Variants in SHTN1 observed in about 807,000 individuals in gnomAD.
SHTN1 encodes shootin-1.
SHTN1 carries 42 observed loss-of-function variants against 83.1 expected under a neutral mutation model. The observed-to-expected ratio is 0.51, with a 90% CI of 0.39 to 0.65. SHTN1 has a LOEUF of 0.65. Ranked by LOEUF, SHTN1 falls within the 30% of genes least tolerant of loss-of-function variation. The pLI is 0.00. For missense variants in SHTN1, 622 were observed against 737.8 expected, an observed-to-expected ratio of 0.84 and a Z score of 1.82; for synonymous variants, 224 against 247.7, an observed-to-expected ratio of 0.90 and a Z score of 0.90.
At chr10:116,970,869 A>G (rs921679249) in intron 2 of SHTN1, among the ~76,000 whole-genome samples, 1 of 152,092 alleles carries the variant, frequency 6.6e-6, no homozygotes, top group African/African-American at 2.4e-5. Context: ...AGAAATATAC[A>G]ACATTTATAA....
chr10:117,075,010 C>T (rs1853132243), intron 1 of SHTN1, among the ~76,000 whole-genome samples: 1 of 152,078 alleles, frequency 6.6e-6, no homozygotes, highest in African/African-American at 2.4e-5. Context: ...AAGAAAAAGA[C>T]TCTTTTGCAT....
At chr10:116,966,209 G>T (rs1314009856) in intron 3 of SHTN1, among the ~76,000 whole-genome samples, 2 of 151,970 alleles carry the variant, frequency 1.3e-5, no homozygotes, top group Non-Finnish European at 2.9e-5. Flanking sequence ...GGGTTTCACC[G>T]TGTTAGCCAG....
upstream of SHTN1, among the ~76,000 whole-genome samples, chr10:117,006,447 T>A (rs1396519052): frequency 6.6e-6 from 1 of 150,796 alleles, no homozygotes; most frequent in African/African-American, 2.4e-5. Context: ...GCGCCTGTAG[T>A]CCCACCTACT....
intron 8 of SHTN1, among the ~76,000 whole-genome samples, chr10:116,940,992 A>C (rs1011194814): frequency 3.9e-5 from 6 of 152,242 alleles, no homozygotes; most frequent in African/African-American, 1.4e-4. Flanking sequence ...AAGTGCTTCT[A>C]CTATGAATAG....
At chr10:117,120,233 T>C (rs543955288) in intron 1 of SHTN1, among the ~76,000 whole-genome samples, 1 of 152,004 alleles carries the variant, frequency 6.6e-6, no homozygotes, top group Non-Finnish European at 1.5e-5. Context: ...GGATATCCCA[T>C]TTTTCCATGA....
Position 116,883,168 on chromosome 10 carries a change from C to T in SHTN1, c.*3176G>A, listed in dbSNP as rs926114042. The T allele has an allele frequency of 6.6e-6, 1 of 152,156 alleles. No individual in the cohort carries two copies. Among genetic ancestry groups the T allele is most frequent in the Non-Finnish European group, 1.5e-5 (1 of 68,028 alleles). The allele number at this position is 152,156 out of a possible 1,614,324, so 9.4% of individuals were successfully genotyped here. On this transcript the variant is annotated 3_prime_UTR_variant, in exon 17 of 17. Transcript: ENST00000355371. ...ACTTCAACACAGAGCAGTTTACTCA[C>T]CTATCCTCGAGACTGCACTCACCAA...
At chr10:116,952,648 C>T (rs183314801) in intron 5 of SHTN1, among the ~76,000 whole-genome samples, 188 of 152,218 alleles carry the variant, frequency 1.2e-3, no homozygotes, top group African/African-American at 3.8e-3. Flanking sequence ...CAACTGTAAG[C>T]GCAAAAGCTT....
chr10:116,981,691 C>A (rs375531916), intron 1 of SHTN1, among the ~76,000 whole-genome samples: 6 of 152,098 alleles, frequency 3.9e-5, no homozygotes, highest in Admixed American at 3.9e-4. Flanking sequence ...GTTGAAAAAA[C>A]CAAAATTTAT....
At chr10:116,903,335 C>G (rs188896066) in intron 15 of SHTN1, among the ~76,000 whole-genome samples, 26 of 152,116 alleles carry the variant, frequency 1.7e-4, no homozygotes, top group Non-Finnish European at 3.1e-4. Flanking sequence ...GAGTTAGAGA[C>G]CAACCTGGCC....
At position 116,937,026 on chromosome 10, in the gene SHTN1, C is replaced by T. The variant is rs371030308; in HGVS notation, c.858+3440G>A. On this transcript the variant is annotated intron_variant, in intron 9 of 16. Transcript: ENST00000355371. ...CTTTCCAGTTACTTAGTAAATATGC[C>T]TCCATCCCTTTATTTTAAGCCTATG... Among the ~76,000 whole-genome samples, 136 of 152,156 alleles carry T rather than the reference C, an allele frequency of 8.9e-4. 1 individual carries two copies. The highest frequency in any genetic ancestry group is 3.2e-3 in the African/African-American group (131 of 41,502).
chr10:116,980,239 C>T (rs1360983131), intron 1 of SHTN1, among the ~76,000 whole-genome samples: 1 of 152,196 alleles, frequency 6.6e-6, no homozygotes, highest in African/African-American at 2.4e-5. Flanking sequence ...AAAACTGCTG[C>T]TCACCCCAGG....
At chr10:117,029,894 C>CTTTTTTTTTTT (rs34426369) in intron 2 of SHTN1, among the ~76,000 whole-genome samples, 1 of 113,406 alleles carries the variant, frequency 8.8e-6, no homozygotes. Flanking sequence ...CTCTCTCTTT[C>CTTTTTTTTTTT]TTTTTTTTTT....
At chr10:116,992,087 C>T (rs1276230008) in intron 1 of SHTN1, among the ~76,000 whole-genome samples, 1 of 151,926 alleles carries the variant, frequency 6.6e-6, no homozygotes, top group Non-Finnish European at 1.5e-5. Flanking sequence ...GGCTGCAGTG[C>T]GTCATGATCA....
intron 2 of SHTN1, among the ~76,000 whole-genome samples, chr10:117,038,311 T>C (rs1852531031): frequency 6.6e-6 from 1 of 151,778 alleles, no homozygotes; most frequent in South Asian, 2.1e-4. Flanking sequence ...GCTATTTTTT[T>C]TTTTTTTTAG....
chr10:117,120,485 T>C (rs924787128), intron 1 of SHTN1, among the ~76,000 whole-genome samples: 1 of 152,156 alleles, frequency 6.6e-6, no homozygotes, highest in Non-Finnish European at 1.5e-5. Flanking sequence ...CCTGACCTTG[T>C]GATCCGCCTC....
intron 10 of SHTN1, among the ~76,000 whole-genome samples, chr10:116,928,682 G>A (rs561542946): frequency 6.6e-6 from 1 of 152,290 alleles, no homozygotes; most frequent in Non-Finnish European, 1.5e-5. Context: ...TACCCTCAGG[G>A]ATCTGTCCAT....
At chr10:116,945,267 C>T (rs939542300) in intron 7 of SHTN1, among the ~76,000 whole-genome samples, 1 of 152,184 alleles carries the variant, frequency 6.6e-6, no homozygotes, top group African/African-American at 2.4e-5. Context: ...GATTGTAACA[C>T]ATGAGCATAT....
At chr10:116,893,565 G>C (rs543252143) in intron 16 of SHTN1, among the ~76,000 whole-genome samples, 29 of 2,200 alleles carry the variant, frequency 0.013, no homozygotes, top group African/African-American at 0.034. Flanking sequence ...CTCCCTGATA[G>C]GCACTCATGT....
intron 1 of SHTN1, among the ~76,000 whole-genome samples, chr10:116,997,422 G>A (rs1851663778): frequency 6.6e-6 from 1 of 152,122 alleles, no homozygotes; most frequent in Non-Finnish European, 1.5e-5. Context: ...AGGTTTGAGG[G>A]ACAGATTATT....
Sources: allele counts gnomAD v4.1 joint callset (sites outside exome capture counted in the v4.1 genomes callset), GRCh38; gene constraint gnomAD v4.1.1; transcripts MANE v1.5; gene names NCBI Gene and HGNC (gene_info 2026-07-23, HGNC 2026-07-21).